Variants in SYNPR observed in about 807,000 individuals in gnomAD.
SYNPR encodes synaptoporin.
Under a neutral mutation model 32.9 loss-of-function variants are expected in SYNPR, and 23 were observed. The observed-to-expected ratio is 0.70, with a 90% CI of 0.50 to 0.99. The LOEUF (loss-of-function observed/expected upper bound fraction) is 0.99. Among genes scored for constraint, SYNPR ranks in the 50% least tolerant of loss-of-function variants. The pLI, the probability that SYNPR is intolerant of heterozygous loss-of-function variation, is 0.00. For missense variants in SYNPR, 318 were observed against 349.3 expected, an observed-to-expected ratio of 0.91 and a Z score of 0.71; for synonymous variants, 146 against 135.9, an observed-to-expected ratio of 1.07 and a Z score of -0.52.
rs561105419 is a variant in SYNPR at position 63,602,314 on chromosome 3, T to C, written c.409-6811T>C. Among the ~76,000 whole-genome samples the C allele has an allele frequency of 1.7e-4, 19 of 110,556 alleles. No homozygotes were observed. The East Asian group carries it at 2.0e-3, about 12-fold the overall frequency. The allele number at this position is 110,556 out of a possible 152,430, so 72.5% of individuals were successfully genotyped here. ...GTAAGTTTTCTGTTTACTCTGTTGA[T>C]AGTTTCTTCTGCTGTCCAAAAAAAG... On this transcript the variant is annotated intron_variant, in intron 4 of 5. Transcript: ENST00000478300.
intron 2 of SYNPR, among the ~76,000 whole-genome samples, chr3:63,419,726 T>C (rs997451441): frequency 6.6e-6 from 1 of 152,146 alleles, no homozygotes; most frequent in Non-Finnish European, 1.5e-5. Flanking sequence ...TTAGAGACTA[T>C]TGATATCTTA....
At chr3:63,482,378 T>C (rs1020108856) in intron 3 of SYNPR, among the ~76,000 whole-genome samples, 2 of 152,164 alleles carry the variant, frequency 1.3e-5, no homozygotes, top group South Asian at 4.1e-4. Context: ...CAGCTTTTCT[T>C]TCTAACATTA....
chr3:63,359,349 T>G (rs938649600), intron 2 of SYNPR, among the ~76,000 whole-genome samples: 1 of 152,206 alleles, frequency 6.6e-6, no homozygotes, highest in African/African-American at 2.4e-5. Flanking sequence ...AATAACAGCT[T>G]CCCCTCACCT....
intron 2 of SYNPR, among the ~76,000 whole-genome samples, chr3:63,455,364 T>G (rs1374831687): frequency 2.0e-5 from 3 of 152,176 alleles, no homozygotes; most frequent in African/African-American, 7.2e-5. Context: ...TTATTGAGGT[T>G]AAAATTCACA....
chr3:63,501,273 G>T (rs1234884579), intron 3 of SYNPR, among the ~76,000 whole-genome samples: 1 of 152,122 alleles, frequency 6.6e-6, no homozygotes. Context: ...GATCTCAGAA[G>T]TTGGAGACCT....
At chr3:63,275,356 G>C (rs1238074064), upstream of SYNPR, among the ~76,000 whole-genome samples, 5 of 152,220 alleles carry the variant, frequency 3.3e-5, no homozygotes, top group Admixed American at 3.3e-4. Context: ...TGGTGATGCA[G>C]CTGTTGGAAG....
At chr3:63,330,958 A>T (rs1198282329) in intron 2 of SYNPR, among the ~76,000 whole-genome samples, 1 of 152,196 alleles carries the variant, frequency 6.6e-6, no homozygotes, top group African/African-American at 2.4e-5. Context: ...AAAAATTAAC[A>T]GTAAGAGAGA....
rs1258480094 is a variant in SYNPR at position 63,416,580 on chromosome 3, A to G, written c.85-64252A>G. ...AAAAAAAAACACAGAAGTTATTGCT[A>G]TGCTCCTCAGTGTATTAGTCCGTTT... On this transcript the variant is annotated intron_variant, in intron 2 of 5. Coordinates refer to ENST00000478300, the MANE Select transcript of SYNPR (RefSeq NM_001130003.2). Among the ~76,000 whole-genome samples, 3 of 150,510 alleles carry G rather than the reference A, an allele frequency of 2.0e-5. No individual in the cohort carries two copies. The East Asian group carries it at 5.9e-4, about 29-fold the overall frequency.
At chr3:63,464,965 G>C (rs1700650636) in intron 2 of SYNPR, among the ~76,000 whole-genome samples, 1 of 152,154 alleles carries the variant, frequency 6.6e-6, no homozygotes, top group Non-Finnish European at 1.5e-5. Flanking sequence ...GAGTTGATGG[G>C]ATACTTATGT....
intron 2 of SYNPR, among the ~76,000 whole-genome samples, chr3:63,416,393 G>A (rs926320998): frequency 6.6e-5 from 10 of 152,060 alleles, no homozygotes; most frequent in Non-Finnish European, 1.0e-4. Context: ...TTAGCCAGGC[G>A]TGGTGGTGCG....
At chr3:63,424,488 G>A (rs1699857191) in intron 2 of SYNPR, among the ~76,000 whole-genome samples, 1 of 152,026 alleles carries the variant, frequency 6.6e-6, no homozygotes, top group African/African-American at 2.4e-5. Context: ...ACATTAAATA[G>A]GAATGCATAA....
the SYNPR span, among the ~76,000 whole-genome samples, chr3:63,217,415 A>G: frequency 3.5e-5 from 2 of 56,942 alleles, no homozygotes; most frequent in African/African-American, 1.1e-4. Context: ...CTCGTGGTGC[A>G]CCGTTTTTTA....
chr3:63,393,427 C>G, intron 2 of SYNPR, among the ~76,000 whole-genome samples: 1 of 149,746 alleles, frequency 6.7e-6, no homozygotes, highest in Admixed American at 6.6e-5. Context: ...ATGACTATTT[C>G]ATTTTCCTTC....
chr3:63,340,421 T>C (rs1399598364), intron 2 of SYNPR, among the ~76,000 whole-genome samples: 1 of 145,550 alleles, frequency 6.9e-6, no homozygotes. Flanking sequence ...AAAAATGTAT[T>C]TTTTTTTTTT....
At chr3:63,374,803 T>C (rs2087866392) in intron 2 of SYNPR, among the ~76,000 whole-genome samples, 1 of 152,180 alleles carries the variant, frequency 6.6e-6, no homozygotes, top group African/African-American at 2.4e-5. Context: ...TTAATATTAG[T>C]ATAGCCAGTT....
intron 2 of SYNPR, among the ~76,000 whole-genome samples, chr3:63,354,532 CA>C (rs1458382302): frequency 1.3e-5 from 2 of 152,098 alleles, no homozygotes; most frequent in Non-Finnish European, 2.9e-5. Flanking sequence ...ATAACAAGGG[CA>C]AGTGGAAGCA....
intron 4 of SYNPR, among the ~76,000 whole-genome samples, chr3:63,595,803 A>T (rs5019590): frequency 0.01 from 532 of 51,034 alleles, 45 homozygotes; most frequent in African/African-American, 0.034. Flanking sequence ...ATATATAGTT[A>T]TATATATATA....
At chr3:63,416,785 G>A (rs11915572) in intron 2 of SYNPR, among the ~76,000 whole-genome samples, 9,389 of 152,028 alleles carry the variant, frequency 0.062, 548 homozygotes, top group African/African-American at 0.15. Context: ...ATTCCCCCCT[G>A]TAAAACCATC....
chr3:63,417,077 G>T (rs539809043), intron 2 of SYNPR, among the ~76,000 whole-genome samples: 1 of 152,204 alleles, frequency 6.6e-6, no homozygotes, highest in South Asian at 2.1e-4. Flanking sequence ...CTGAGACAAG[G>T]CCAGTCCCTT....
Sources: gnomAD v4.1 joint callset for allele counts (sites outside exome capture counted in the v4.1 genomes callset) on GRCh38, gnomAD v4.1.1 for gene constraint, MANE v1.5 for transcripts, NCBI Gene and HGNC (gene_info 2026-07-23, HGNC 2026-07-21) for gene names.